The following BRDT variants were observed in gnomAD, a reference collection of about 807,000 sequenced individuals.
BRDT encodes bromodomain testis-specific protein.
A neutral mutation model predicts 113.9 loss-of-function variants in BRDT; 77 were observed. The observed-to-expected ratio is 0.68, with a 90% CI of 0.56 to 0.82. The LOEUF (loss-of-function observed/expected upper bound fraction) is 0.82, where lower values mean the gene tolerates loss of function less well. Ranked by LOEUF, BRDT falls within the 40% of genes least tolerant of loss-of-function variation. The pLI is 0.00. For missense variants in BRDT, 1,027 were observed against 1,105.4 expected (o/e 0.93, Z 1.01); for synonymous variants, 358 against 366.5 (o/e 0.98, Z 0.26).
At chr1:91,964,841 A>C (rs1682885290) in intron 3 of BRDT, 77 bp downstream of exon 3, 3 of 1,055,730 alleles carry the variant, frequency 2.8e-6, no homozygotes, top group African/African-American at 3.3e-5. Flanking sequence ...TCATGTGATC[A>C]TTTCAGATTT....
At chr1:91,976,953 A>G in intron 5 of BRDT, 90 bp from the exon 6 acceptor site, 1 of 1,025,186 alleles carries the variant, frequency 9.8e-7, no homozygotes, top group Non-Finnish European at 1.4e-6. Flanking sequence ...GGTGCCAATA[A>G]TCTTTCCCTT....
intron 3 of BRDT, among the ~76,000 whole-genome samples, chr1:91,966,563 T>C (rs1193879591): frequency 1.3e-5 from 2 of 152,172 alleles, no homozygotes; most frequent in Non-Finnish European, 2.9e-5. Flanking sequence ...TCAGTACCAT[T>C]GGCAACTTCA....
chr1:91,978,496 C>T (rs549892367), intron 7 of BRDT, among the ~76,000 whole-genome samples, 200 bp downstream of exon 7: 6 of 152,212 alleles, frequency 3.9e-5, no homozygotes, highest in African/African-American at 7.2e-5. Context: ...TGTTTTGTTT[C>T]GTTTTGTTTT....
At chr1:91,997,227 C>T (rs957459971) in intron 15 of BRDT, among the ~76,000 whole-genome samples, 1 of 151,862 alleles carries the variant, frequency 6.6e-6, no homozygotes, top group African/African-American at 2.4e-5. Flanking sequence ...TTTACTTTTG[C>T]GGAAGCTTTT....
At chr1:91,958,750 TA>T (rs1475193493) in intron 1 of BRDT, among the ~76,000 whole-genome samples, 1 of 152,044 alleles carries the variant, frequency 6.6e-6, no homozygotes, top group Non-Finnish European at 1.5e-5. Flanking sequence ...TAATTCTAGA[TA>T]AAAAATTAAA....
chr1:91,976,094 A>G (rs1035473766), intron 4 of BRDT, among the ~76,000 whole-genome samples, 172 bp from the exon 5 acceptor site: 5 of 152,216 alleles, frequency 3.3e-5, no homozygotes, highest in Non-Finnish European at 7.3e-5. Context: ...CCATTATTAT[A>G]TCTAAATTGG....
Position 91,962,926 on chromosome 1 carries a change from G to T in BRDT, c.172G>T (p.Ala58Ser), listed in dbSNP as rs759909807. 6.3e-7 allele frequency: 1 copy of T among 1,598,454 alleles called. No individual in the cohort carries two copies. The highest frequency in any genetic ancestry group is 2.2e-5 in the East Asian group (1 of 44,578). Residue 58 changes from alanine to serine, a missense_variant, in exon 2 of 19, where the codon GCT (alanine) becomes TCT (serine). By Grantham distance (99) the Ala-to-Ser change is moderately conservative (BLOSUM62 1). Coordinates refer to ENST00000399546, the MANE Select transcript of BRDT (RefSeq NM_207189.4). ...ATGGCCCTTTCAACGTCCTGTGGAT[G>T]CTGTGAAACTACAGTTGCCTGTATG... is the stretch of plus-strand genomic sequence containing the variant. ...FSWPFQRPVD[A>S]VKLQLPDYYT... is the part of the protein sequence containing the mutation.
chr1:91,960,038 A>G (rs1682262587), intron 1 of BRDT, among the ~76,000 whole-genome samples: 1 of 149,952 alleles, frequency 6.7e-6, no homozygotes, highest in African/African-American at 2.5e-5. Context: ...GTATTAAAAC[A>G]AAACAAAAAA....
intron 18 of BRDT, among the ~76,000 whole-genome samples, chr1:92,010,545 C>T (rs1250120246): frequency 1.3e-5 from 2 of 152,078 alleles, no homozygotes; most frequent in African/African-American, 4.8e-5. Context: ...CCTCTGCCTC[C>T]CAAAGTGTTA....
intron 1 of BRDT, among the ~76,000 whole-genome samples, chr1:91,962,367 C>G (rs1682577842): frequency 6.7e-6 from 1 of 148,978 alleles, no homozygotes; most frequent in African/African-American, 2.5e-5. Flanking sequence ...GAGTTTCATT[C>G]TTGTTGCCCA....
intron 4 of BRDT, 78 bp downstream of exon 4, chr1:91,968,338 C>G: frequency 4.6e-6 from 7 of 1,520,898 alleles, no homozygotes; most frequent in Non-Finnish European, 6.2e-6. Flanking sequence ...GTAAATCCCT[C>G]AAAGGAGACA....
intron 6 of BRDT, 113 bp downstream of exon 6, chr1:91,977,506 G>C: frequency 1.1e-6 from 1 of 932,574 alleles, no homozygotes; most frequent in Non-Finnish European, 1.6e-6. Context: ...GATCATCCAA[G>C]TCACACTATC....
chr1:91,994,638 G>T (rs926914842), intron 15 of BRDT, among the ~76,000 whole-genome samples: 1 of 151,672 alleles, frequency 6.6e-6, no homozygotes, highest in African/African-American at 2.4e-5. Flanking sequence ...AGGCCGAGGC[G>T]GGCGGATCAC....
At chr1:91,988,388 T>C (rs1570575542) in intron 12 of BRDT, among the ~76,000 whole-genome samples, 1 of 152,188 alleles carries the variant, frequency 6.6e-6, no homozygotes, top group Middle Eastern at 3.4e-3. Flanking sequence ...TTATCGATTT[T>C]ATTTTTATTT....
chr1:92,005,572 A>G (rs1455171298), intron 18 of BRDT, among the ~76,000 whole-genome samples: 1 of 152,148 alleles, frequency 6.6e-6, no homozygotes, highest in Non-Finnish European at 1.5e-5. Flanking sequence ...TGAGGCCAGG[A>G]GTTAGAGGCT....
chr1:91,996,887 G>T (rs930217598), intron 15 of BRDT, among the ~76,000 whole-genome samples: 1 of 151,992 alleles, frequency 6.6e-6, no homozygotes, highest in African/African-American at 2.4e-5. Flanking sequence ...GAACTAACAG[G>T]GTGTAACAGG....
chr1:91,961,841 C>T (rs890884016), intron 1 of BRDT, among the ~76,000 whole-genome samples: 1 of 151,946 alleles, frequency 6.6e-6, no homozygotes, highest in African/African-American at 2.4e-5. Context: ...GACAGGAAGA[C>T]TGAGATGTTG....
At chr1:92,010,267 A>ATTTTTTT (rs373305680) in intron 18 of BRDT, among the ~76,000 whole-genome samples, 9 of 101,054 alleles carry the variant, frequency 8.9e-5, no homozygotes, top group South Asian at 3.4e-4. Flanking sequence ...TGCTCTTTTA[A>ATTTTTTT]TTTTTTTTTT....
At chr1:91,965,887 G>A (rs1455228803) in intron 3 of BRDT, among the ~76,000 whole-genome samples, 1 of 151,676 alleles carries the variant, frequency 6.6e-6, no homozygotes, top group Non-Finnish European at 1.5e-5. Context: ...TGAGTCCTTT[G>A]ATTCTCCCTT....
Sources: gnomAD v4.1 joint callset for allele counts (sites outside exome capture counted in the v4.1 genomes callset) on GRCh38, gnomAD v4.1.1 for gene constraint, MANE v1.5 for transcripts, NCBI Gene and HGNC (gene_info 2026-07-23, HGNC 2026-07-21) for gene names.